NFIL3: variants seen among roughly 807,000 people sequenced by gnomAD.
NFIL3 encodes nuclear factor, interleukin 3 regulated.
In NFIL3, 5 loss-of-function variants were observed where a neutral mutation model predicts 10.0. The observed-to-expected ratio is 0.50, with a 90% confidence interval of 0.26 to 1.06. The LOEUF is 1.06. NFIL3 is among the 50% of genes least tolerant of loss of function. The pLI, the probability that NFIL3 is intolerant of heterozygous loss-of-function variation, is 0.13. For missense variants in NFIL3, 436 were observed against 547.6 expected (o/e 0.80, Z 2.03); for synonymous variants, 202 against 206.5 (o/e 0.98, Z 0.19).
Position 91,409,503 on chromosome 9 carries a change from A to C in NFIL3, c.1232T>G (p.Phe411Cys), listed in dbSNP as rs1439651643. The C allele has an allele frequency of 1.9e-6, 3 of 1,613,970 alleles. No homozygotes were observed. In the African/African-American group the frequency reaches 4.0e-5, roughly 22 times the overall value. The change falls in exon 2 of 2, where the codon TTC (phenylalanine) becomes TGC (cysteine). Residue 411 changes from phenylalanine (F) to cysteine (C), a missense_variant. Physicochemically the swap from Phe to Cys is radical, Grantham distance 205. Coordinates refer to ENST00000297689, the MANE Select transcript of NFIL3 (RefSeq NM_005384.3). ...KELSGKTQNS[F>C]KTGVVEMKDS... ...TTTCATTTCAACAACTCCAGTTTTG[A>C]AACTATTCTGAGTTTTGCCACTCAG...
chr9:91,437,713 TG>T, the NFIL3 span, among the ~76,000 whole-genome samples: 1 of 152,208 alleles, frequency 6.6e-6, no homozygotes, highest in Admixed American at 6.5e-5. Flanking sequence ...TCCCTATCTC[TG>T]TATATATGAC....
chr9:91,456,827 T>C, the NFIL3 span, among the ~76,000 whole-genome samples: 2 of 152,230 alleles, frequency 1.3e-5, no homozygotes, highest in African/African-American at 4.8e-5. Flanking sequence ...ATAGTTTAGG[T>C]TTTACATTTA....
the NFIL3 span, among the ~76,000 whole-genome samples, chr9:91,472,747 T>G: frequency 6.6e-6 from 1 of 152,222 alleles, no homozygotes; most frequent in African/African-American, 2.4e-5. Context: ...GTTCCATTGC[T>G]GATGAGGAGC....
chr9:91,441,690 A>T, the NFIL3 span, among the ~76,000 whole-genome samples: 1 of 152,276 alleles, frequency 6.6e-6, no homozygotes, highest in African/African-American at 2.4e-5. Context: ...TGTGGTTACC[A>T]TGAGGCTTGC....
At chr9:91,441,214 G>T in the NFIL3 span, among the ~76,000 whole-genome samples, 1 of 152,002 alleles carries the variant, frequency 6.6e-6, no homozygotes, top group Non-Finnish European at 1.5e-5. Context: ...ATTGATAATT[G>T]TTATGTCCTC....
At chr9:91,468,596 T>C in the NFIL3 span, among the ~76,000 whole-genome samples, 7 of 152,206 alleles carry the variant, frequency 4.6e-5, no homozygotes, top group Non-Finnish European at 1.0e-4. Context: ...GGTGTTTTAG[T>C]CATGAAGTCC....
the NFIL3 span, among the ~76,000 whole-genome samples, chr9:91,474,435 G>C: frequency 0.098 from 14,970 of 152,178 alleles, 810 homozygotes; most frequent in East Asian, 0.23. Flanking sequence ...TAGTTCCCAT[G>C]AAGGCTGCTG....
the NFIL3 span, among the ~76,000 whole-genome samples, chr9:91,473,643 C>T: frequency 7.2e-5 from 11 of 152,242 alleles, no homozygotes; most frequent in South Asian, 1.0e-3. Flanking sequence ...AAAGGGAATT[C>T]CCCCTGACTC....
chr9:91,470,418 C>CTCTTTTCATCTT, the NFIL3 span, among the ~76,000 whole-genome samples: 1 of 119,666 alleles, frequency 8.4e-6, no homozygotes, highest in African/African-American at 3.6e-5. Context: ...TGATTCTTCT[C>CTCTTTTCATCTT]TATTAGTCTT....
chr9:91,419,301 A>G (rs1229998291), intron 1 of NFIL3, among the ~76,000 whole-genome samples: 1 of 152,190 alleles, frequency 6.6e-6, no homozygotes, highest in African/African-American at 2.4e-5. Flanking sequence ...AGGCAATATG[A>G]CTGCACCTTT....
chr9:91,412,867 A>G (rs1332979227), intron 1 of NFIL3, among the ~76,000 whole-genome samples: 1 of 152,128 alleles, frequency 6.6e-6, no homozygotes, highest in Non-Finnish European at 1.5e-5. Context: ...AAAAAAAAAA[A>G]AAAAGATGTA....
chr9:91,409,370 T>A lies in NFIL3; in HGVS notation c.1365A>T (p.Pro455=). ...VSLKRLIATQ[P]ISASDSG ...TTTACCCAGAGTCTGAAGCAGAGAT[T>A]GGTTGTGTGGCTATAAGTCTCTTGA... Residue 455 remains proline, a synonymous_variant, in exon 2 of 2, where the codon CCA becomes CCT. Coordinates refer to ENST00000297689, the MANE Select transcript of NFIL3 (RefSeq NM_005384.3). 1 of 1,581,740 alleles carries A rather than the reference T, an allele frequency of 6.3e-7. No homozygotes were observed. The highest frequency in any genetic ancestry group is 1.2e-5 in the South Asian group (1 of 85,706).
chr9:91,450,645 T>G, the NFIL3 span, among the ~76,000 whole-genome samples: 13,859 of 152,216 alleles, frequency 0.091, 758 homozygotes, highest in African/African-American at 0.14. Flanking sequence ...TTGGAGAATA[T>G]TCCATGTGCA....
chr9:91,451,430 CA>C, the NFIL3 span, among the ~76,000 whole-genome samples: 1 of 152,132 alleles, frequency 6.6e-6, no homozygotes, highest in Non-Finnish European at 1.5e-5. Flanking sequence ...CTTAACATAC[CA>C]CATTTTGGCT....
intron 1 of NFIL3, among the ~76,000 whole-genome samples, chr9:91,416,182 C>A: frequency 6.8e-6 from 1 of 147,736 alleles, no homozygotes; most frequent in East Asian, 2.0e-4. Context: ...TTTAACAAAT[C>A]CAAGAGTGTA....
At chr9:91,467,043 C>T in the NFIL3 span, among the ~76,000 whole-genome samples, 4 of 152,172 alleles carry the variant, frequency 2.6e-5, no homozygotes, top group East Asian at 7.7e-4. Flanking sequence ...AGTCAAGCTA[C>T]CTTCAACAAC....
the NFIL3 span, among the ~76,000 whole-genome samples, chr9:91,453,709 T>C: frequency 1.3e-5 from 2 of 152,026 alleles, no homozygotes; most frequent in Non-Finnish European, 2.9e-5. Flanking sequence ...AATTAAAACA[T>C]GGGAATAGGG....
the NFIL3 span, among the ~76,000 whole-genome samples, chr9:91,477,652 A>C: frequency 1.3e-5 from 2 of 152,170 alleles, no homozygotes; most frequent in African/African-American, 4.8e-5. Context: ...CTGGGGAAAA[A>C]ATTTCAAGCA....
chr9:91,418,473 T>A (rs573916320), intron 1 of NFIL3, among the ~76,000 whole-genome samples: 1 of 152,360 alleles, frequency 6.6e-6, no homozygotes, highest in African/African-American at 2.4e-5. Flanking sequence ...AGAAAATTCT[T>A]GAAAGTTTCT....
Sources: gnomAD v4.1 joint callset for allele counts (sites outside exome capture counted in the v4.1 genomes callset) on GRCh38, gnomAD v4.1.1 for gene constraint, MANE v1.5 for transcripts, NCBI Gene and HGNC (gene_info 2026-07-23, HGNC 2026-07-21) for gene names.